AHCY: variants seen among roughly 807,000 people sequenced by gnomAD.
AHCY encodes the protein S-adenosyl-L-homocysteine hydrolase.
Under a neutral mutation model 45.4 loss-of-function variants are expected in AHCY, and 24 were observed. That is an observed-to-expected ratio of 0.53 (90% CI 0.38 to 0.74). The LOEUF is 0.74. AHCY is among the 30% of genes least tolerant of loss of function. The pLI is 0.00. For synonymous variants in AHCY, 245 were observed against 235.1 expected (o/e 1.04, Z -0.39); for missense variants, 449 against 594.1 (o/e 0.76, Z 2.54).
At chr20:34,294,195 G>A (rs575614831) in intron 2 of AHCY, 39 bp from the exon 3 acceptor site, 1 of 1,592,224 alleles carries the variant, frequency 6.3e-7, no homozygotes, top group East Asian at 2.2e-5. Flanking sequence ...GGTCACTGAT[G>A]GCTCAAAAGC....
intron 8 of AHCY, among the ~76,000 whole-genome samples, chr20:34,288,664 A>G (rs996369870): frequency 2.6e-5 from 4 of 151,944 alleles, no homozygotes; most frequent in Non-Finnish European, 5.9e-5. Context: ...GAGTGAGCCC[A>G]TCTCAAAAAA....
the AHCY span, among the ~76,000 whole-genome samples, chr20:34,235,849 G>A: frequency 3.4e-4 from 15 of 44,570 alleles, no homozygotes; most frequent in African/African-American, 4.9e-3. Flanking sequence ...AAGAAGGAAG[G>A]AAGGAAGGAA....
At chr20:34,267,481 A>AAAAG in the AHCY span, among the ~76,000 whole-genome samples, 1 of 151,414 alleles carries the variant, frequency 6.6e-6, no homozygotes, top group East Asian at 1.9e-4. Context: ...AAAAAAAAAA[A>AAAAG]AAGAACTGTG....
chr20:34,294,473 T>C (rs1352620492), intron 2 of AHCY, among the ~76,000 whole-genome samples: 3 of 152,068 alleles, frequency 2.0e-5, no homozygotes, highest in African/African-American at 4.8e-5. Flanking sequence ...TGATGAGAAG[T>C]TGTCACATCC....
chr20:34,293,600 G>T (rs1483505771), intron 3 of AHCY: 1 of 284,760 alleles, frequency 3.5e-6, no homozygotes, highest in Non-Finnish European at 6.8e-6. Flanking sequence ...AAGCAATCTT[G>T]AATGTCCTAA....
At chr20:34,250,988 A>C in the AHCY span, among the ~76,000 whole-genome samples, 13 of 152,264 alleles carry the variant, frequency 8.5e-5, no homozygotes, top group South Asian at 2.7e-3. Flanking sequence ...TCCCTCAAGC[A>C]GAGATCTTGC....
intron 1 of AHCY, chr20:34,301,715 A>T: frequency 1.4e-6 from 1 of 711,156 alleles, no homozygotes; most frequent in Non-Finnish European, 1.7e-6. Flanking sequence ...CAGTATGACA[A>T]GCCCCCATTC....
chr20:34,306,090 A>G (rs1485310675), upstream of AHCY, among the ~76,000 whole-genome samples: 2 of 144,842 alleles, frequency 1.4e-5, no homozygotes, highest in African/African-American at 5.7e-5. Context: ...AAAAAAAAAA[A>G]AAAAAAAAGA....
intron 3 of AHCY, 72 bp downstream of exon 3, chr20:34,294,009 C>G: frequency 6.8e-7 from 1 of 1,476,490 alleles, no homozygotes; most frequent in Non-Finnish European, 9.4e-7. Context: ...GTCTGTTGCT[C>G]TAGCAGTCAG....
At chr20:34,245,194 C>T in the AHCY span, among the ~76,000 whole-genome samples, 42 of 150,982 alleles carry the variant, frequency 2.8e-4, no homozygotes, top group Non-Finnish European at 4.4e-4. Context: ...ATTAGCTGGG[C>T]GTGGTGGCAG....
the AHCY span, among the ~76,000 whole-genome samples, chr20:34,270,360 C>A: frequency 5.9e-5 from 9 of 152,286 alleles, no homozygotes; most frequent in East Asian, 7.7e-4. Flanking sequence ...CACCCCCACA[C>A]AGGAAAGCTG....
chr20:34,234,036 C>CA, the AHCY span, among the ~76,000 whole-genome samples: 1 of 152,218 alleles, frequency 6.6e-6, no homozygotes, highest in Non-Finnish European at 1.5e-5. Flanking sequence ...TTCAGAAACA[C>CA]AGAGTCCCTT....
chr20:34,298,815 G>C (rs2036673205), intron 1 of AHCY, among the ~76,000 whole-genome samples: 1 of 152,166 alleles, frequency 6.6e-6, no homozygotes, highest in African/African-American at 2.4e-5. Context: ...CTAGATAGCA[G>C]TAGTAAATTA....
intron 3 of AHCY, chr20:34,293,609 A>C (rs1490113149): frequency 1.3e-5 from 4 of 301,682 alleles, no homozygotes; most frequent in Non-Finnish European, 2.6e-5. Flanking sequence ...TGAATGTCCT[A>C]ATCACTGGGT....
the AHCY span, among the ~76,000 whole-genome samples, chr20:34,271,424 GTC>G: frequency 6.6e-6 from 1 of 152,260 alleles, no homozygotes; most frequent in African/African-American, 2.4e-5. Flanking sequence ...TTCTATTTCT[GTC>G]TCACACACAT....
At chr20:34,302,418 A>G (rs1236698497) in intron 1 of AHCY, 1 of 180,930 alleles carries the variant, frequency 5.5e-6, no homozygotes, top group Admixed American at 6.5e-5. Flanking sequence ...GGGTGCGCTC[A>G]GAGATCTAGA....
At chr20:34,262,765 T>G in the AHCY span, 1 of 1,582,716 alleles carries the variant, frequency 6.3e-7, no homozygotes, top group Non-Finnish European at 8.7e-7. Flanking sequence ...CCTCTGCCCC[T>G]CTCACTTCAC....
rs748278715 is a variant in AHCY, at chr20:34,294,113, G to T, written c.263C>A (p.Ala88Glu). The change falls in exon 3 of 10, where the codon GCG (alanine) becomes GAG (glutamate). Residue 88 changes from alanine to glutamate, a missense_variant. Transcript: ENST00000217426. Reference sequence around the variant, plus strand: ...GCCAGCCTTGGCAATGGCAGCCGCCGCATGGTCCTGGGTGGAGAAGATGTT... The same window carrying T: ...GCCAGCCTTGGCAATGGCAGCCGCCTCATGGTCCTGGGTGGAGAAGATGTT... The part of the protein sequence containing the change: ...SCNIFSTQDH[A>E]AAAIAKAGIP... 6.2e-7 allele frequency: 1 copy of T among 1,613,972 alleles called. No individual in the cohort carries two copies. Among genetic ancestry groups the T allele is most frequent in the Admixed American group, 1.7e-5 (1 of 60,022 alleles).
At chr20:34,297,531 C>T (rs2036614171) in intron 1 of AHCY, among the ~76,000 whole-genome samples, 1 of 151,956 alleles carries the variant, frequency 6.6e-6, no homozygotes, top group Admixed American at 6.6e-5. Context: ...CTCCTGGCCT[C>T]GTGATCCACC....
Sources: gnomAD v4.1 joint callset for allele counts (sites outside exome capture counted in the v4.1 genomes callset) on GRCh38, gnomAD v4.1.1 for gene constraint, MANE v1.5 for transcripts, NCBI Gene and HGNC (gene_info 2026-07-23, HGNC 2026-07-21) for gene names.